The following RASGRF1 variants were observed in gnomAD, a reference collection of about 807,000 sequenced individuals.
The protein encoded by RASGRF1 is Ras protein specific guanine nucleotide releasing factor 1.
In RASGRF1, 40 loss-of-function variants were observed where a neutral mutation model predicts 138.7. The ratio of observed to expected loss-of-function variants is 0.29; its 90% CI spans 0.22 to 0.38. The LOEUF (loss-of-function observed/expected upper bound fraction) is 0.38. Among genes scored for constraint, RASGRF1 ranks in the 10% least tolerant of loss-of-function variants. The pLI, the probability that RASGRF1 is intolerant of heterozygous loss-of-function variation, is 1.00. For missense variants in RASGRF1, 1,108 were observed against 1,650.4 expected (o/e 0.67, Z 5.69); for synonymous variants, 614 against 663.2 (o/e 0.93, Z 1.14).
intron 1 of RASGRF1, among the ~76,000 whole-genome samples, chr15:79,085,392 A>G (rs1295704115): frequency 6.6e-6 from 1 of 152,168 alleles, no homozygotes; most frequent in Non-Finnish European, 1.5e-5. Flanking sequence ...GGGGCCAGCA[A>G]AGGGTGGATC....
intron 26 of RASGRF1, among the ~76,000 whole-genome samples, chr15:78,969,297 CT>C (rs1296860418): frequency 6.6e-6 from 1 of 152,184 alleles, no homozygotes; most frequent in Admixed American, 6.5e-5. Flanking sequence ...CTGAAATTGT[CT>C]GTTGGTTCCT....
At chr15:79,020,863 G>C (rs1457776203) in intron 10 of RASGRF1, among the ~76,000 whole-genome samples, 1 of 152,158 alleles carries the variant, frequency 6.6e-6, no homozygotes, top group African/African-American at 2.4e-5. Flanking sequence ...GTGTGAGCTG[G>C]ACTTAGTGGC....
chr15:78,979,138 CCA>C, intron 24 of RASGRF1: 1 of 1,289,758 alleles, frequency 7.8e-7, no homozygotes, highest in East Asian at 5.6e-5. Flanking sequence ...CAAGCACAGT[CCA>C]CAGGGGCTCT....
rs1345481379 is a variant in RASGRF1 at position 79,050,474 on chromosome 15, T to G, written c.532-886A>C. 4.6e-5 allele frequency among the ~76,000 whole-genome samples: 7 copies of G among 152,194 alleles called. No individual in the cohort carries two copies. ...ATATAAATCAGATAGAGCAGGTGGC[T>G]CCGGGTGAAGTCCTGCTGGCTTGGC... On this transcript the variant is annotated intron_variant, in intron 3 of 26. Coordinates refer to ENST00000558480, the MANE Select transcript of RASGRF1 (RefSeq NM_001145648.3). The surrounding 1 kb of genome is among the most constrained non-coding windows in gnomAD (Gnocchi z 4.1).
At chr15:78,985,452 A>C in intron 22 of RASGRF1, 2 of 403,528 alleles carry the variant, frequency 5.0e-6, no homozygotes, top group East Asian at 4.5e-5. Flanking sequence ...CCAAATAACA[A>C]TGGGAATCTG....
At chr15:78,971,128 T>C (rs1596310447) in intron 26 of RASGRF1, among the ~76,000 whole-genome samples, 1 of 152,154 alleles carries the variant, frequency 6.6e-6, no homozygotes, top group Admixed American at 6.5e-5. Flanking sequence ...AGGATTCTCC[T>C]ACTCCAGTAA....
chr15:79,061,196 C>T (rs1008114523), intron 2 of RASGRF1, among the ~76,000 whole-genome samples: 11 of 152,058 alleles, frequency 7.2e-5, no homozygotes, highest in Admixed American at 2.0e-4. Context: ...ACAACAAGAA[C>T]GAGCCTGGAA....
At chr15:79,003,024 C>T (rs2056571804) in intron 15 of RASGRF1, among the ~76,000 whole-genome samples, 1 of 152,216 alleles carries the variant, frequency 6.6e-6, no homozygotes, top group Admixed American at 6.5e-5. Context: ...AAATCAGAAC[C>T]AGACCTGACA....
chr15:78,973,048 A>G lies in RASGRF1; in HGVS notation c.3612+255T>C, dbSNP rs918258146. ...CTGCTCATCTGAAAGGTGCAGAATA[A>G]GAAGAGCAGCTACCTCTCAGACTGT... is the stretch of plus-strand genomic sequence containing the variant. On this transcript the variant is annotated intron_variant, in intron 25 of 26. Coordinates refer to ENST00000558480, the MANE Select transcript of RASGRF1 (RefSeq NM_001145648.3). The surrounding 1 kb of genome is among the most constrained non-coding windows in gnomAD (Gnocchi z 4.9). Among the ~76,000 whole-genome samples the G allele has an allele frequency of 6.6e-6, 1 of 152,176 alleles. No individual in the cohort carries two copies. The highest frequency in any genetic ancestry group is 2.4e-5 in the African/African-American group (1 of 41,436).
intron 10 of RASGRF1, among the ~76,000 whole-genome samples, chr15:79,024,062 T>TACACAC (rs1296166988): frequency 1.4e-5 from 2 of 138,876 alleles, no homozygotes; most frequent in Non-Finnish European, 3.1e-5. Context: ...CACATACACA[T>TACACAC]ACACACACAT....
At chr15:79,045,601 A>G (rs2057345785) in intron 5 of RASGRF1, among the ~76,000 whole-genome samples, 1 of 152,058 alleles carries the variant, frequency 6.6e-6, no homozygotes, top group African/African-American at 2.4e-5. Context: ...TGTCCCCCAT[A>G]TTCTGATGGC....
At chr15:79,009,171 T>C (rs756198697) in intron 13 of RASGRF1, among the ~76,000 whole-genome samples, 1 of 152,198 alleles carries the variant, frequency 6.6e-6, no homozygotes, top group Non-Finnish European at 1.5e-5. Flanking sequence ...TGATAGGACC[T>C]CACAGAAGGG....
rs736828 is a variant in RASGRF1 at position 79,066,738 on chromosome 15, T to G, written c.277-2212A>C. ...TACAGCCTCACCCCTGCTGGAAACCTAACTGTGAGGAAGGATGCCAGGAAG... is the reference window on the plus strand; with the variant it reads ...TACAGCCTCACCCCTGCTGGAAACCGAACTGTGAGGAAGGATGCCAGGAAG... On this transcript the variant is annotated intron_variant, in intron 1 of 26. Coordinates refer to ENST00000558480, the MANE Select transcript of RASGRF1 (RefSeq NM_001145648.3). Among the ~76,000 whole-genome samples the G allele has an allele frequency of 6.2e-3, 937 of 152,270 alleles. 7 individuals carry two copies. Among genetic ancestry groups the G allele is most frequent in the African/African-American group, 0.021 (873 of 41,540 alleles).
At chr15:79,007,593 C>T (rs2056708648) in intron 13 of RASGRF1, among the ~76,000 whole-genome samples, 2 of 136,746 alleles carry the variant, frequency 1.5e-5, no homozygotes, top group African/African-American at 5.5e-5. Flanking sequence ...TTTGCTCAGG[C>T]TGGAGTACAG....
rs201345143 is a variant in RASGRF1, at chr15:78,984,989, C to A, written c.3414+18G>T. The A allele has an allele frequency of 1.6e-4, 262 of 1,610,970 alleles. 1 individual carries two copies. In the South Asian group the frequency reaches 2.8e-3, roughly 17 times the overall value. ...ATCCAGCCCCAGGGAGGCAGTGGTG[C>A]CAGCCTCCTGCCCGCACCTGCTTAG... On this transcript the variant is annotated intron_variant, in intron 23 of 26. Coordinates refer to ENST00000558480, the MANE Select transcript of RASGRF1 (RefSeq NM_001145648.3).
intron 1 of RASGRF1, among the ~76,000 whole-genome samples, chr15:79,075,326 T>C (rs1250035044): frequency 6.6e-6 from 1 of 152,190 alleles, no homozygotes; most frequent in Non-Finnish European, 1.5e-5. Flanking sequence ...GAGGAAATGT[T>C]CTGGAACCAC....
intron 13 of RASGRF1, among the ~76,000 whole-genome samples, chr15:79,011,232 C>A (rs112306295): frequency 0.012 from 1,809 of 152,220 alleles, 38 homozygotes; most frequent in African/African-American, 0.04. Context: ...CCCTTGCCCA[C>A]CGCCAGCCCC....
chr15:79,002,143 G>A (rs879261785), intron 15 of RASGRF1, among the ~76,000 whole-genome samples: 3 of 152,076 alleles, frequency 2.0e-5, no homozygotes, highest in East Asian at 1.9e-4. Flanking sequence ...GTTGGTCCAC[G>A]GACCACACTT....
chr15:79,027,945 A>G lies in RASGRF1; in HGVS notation c.1263-86T>C, dbSNP rs2057083739. On this transcript the variant is annotated intron_variant, in intron 8 of 26. Transcript: ENST00000558480. This position sits in a 1 kb window ranked among gnomAD's most constrained non-coding sequence, Gnocchi z 4.8. ...GAATGCCAGGCTTCTGGCCAGACCTAGGAAGAAAGCCTGGCACAAGGATTC... is the reference window on the plus strand; with the variant it reads ...GAATGCCAGGCTTCTGGCCAGACCTGGGAAGAAAGCCTGGCACAAGGATTC... 1.5e-6 allele frequency: 2 copies of G among 1,346,396 alleles called. No individual in the cohort carries two copies. The highest frequency in any genetic ancestry group is 1.1e-6 in the Non-Finnish European group (1 of 948,044). The allele number at this position is 1,346,396 out of a possible 1,614,324, so 83.4% of individuals were successfully genotyped here. A position where few individuals can be genotyped will look rare whatever the true frequency, so the allele number is the denominator to read the frequency against.
Sources: allele counts gnomAD v4.1 joint callset (sites outside exome capture counted in the v4.1 genomes callset), GRCh38; gene constraint gnomAD v4.1.1; non-coding constraint Gnocchi (gnomAD v3.1); transcripts MANE v1.5; gene names NCBI Gene and HGNC (gene_info 2026-07-23, HGNC 2026-07-21).